The following KDM5A variants were observed in gnomAD, a reference collection of about 807,000 sequenced individuals.
The protein encoded by KDM5A is lysine-specific demethylase 5A.
KDM5A carries 42 observed loss-of-function variants against 193.5 expected under a neutral mutation model. That is an observed-to-expected ratio of 0.22 (90% confidence interval 0.17 to 0.28). The LOEUF is 0.28. Ranked by LOEUF, KDM5A falls within the 10% of genes least tolerant of loss-of-function variation. The pLI is 1.00. For missense variants in KDM5A, 1,692 were observed against 2,055.1 expected, an observed-to-expected ratio of 0.82 and a Z score of 3.42; for synonymous variants, 796 against 718.1, an observed-to-expected ratio of 1.11 and a Z score of -1.73.
chr12:374,407 T>C (rs866059589), intron 3 of KDM5A, among the ~76,000 whole-genome samples: 42 of 152,194 alleles, frequency 2.8e-4, no homozygotes, highest in Non-Finnish European at 8.8e-5. Flanking sequence ...CCCTGCCTTT[T>C]TTGTTTTCCA....
intron 10 of KDM5A, among the ~76,000 whole-genome samples, chr12:345,558 A>G (rs1316025340): frequency 6.6e-6 from 1 of 152,190 alleles, no homozygotes; most frequent in East Asian, 1.9e-4. Context: ...AAATCATAAC[A>G]AACTGTCTCT....
chr12:280,284 C>T lies in KDM5A; in HGVS notation c.*5172G>A, dbSNP rs758628926. On this transcript the variant is annotated 3_prime_UTR_variant, in exon 28 of 28. Transcript: ENST00000399788. ...TTTAAATGAAAATATTCTGGATCTT[C>T]CATTTATTGGTATCAACCACAATAG... 90 of 232,740 alleles carry T rather than the reference C, an allele frequency of 3.9e-4. No individual in the cohort carries two copies. The highest frequency in any genetic ancestry group is 6.5e-4 in the Non-Finnish European group (77 of 117,878). The allele number at this position is 232,740 out of a possible 1,614,324, so 14.4% of individuals were successfully genotyped here.
At chr12:350,873 G>T in intron 9 of KDM5A, 94 bp from the exon 10 acceptor site, 1 of 1,124,430 alleles carries the variant, frequency 8.9e-7, no homozygotes, top group Non-Finnish European at 1.3e-6. Flanking sequence ...ACAAACCCAT[G>T]ATGAGATTAA....
chr12:294,304 G>C (rs1470639881), intron 26 of KDM5A, among the ~76,000 whole-genome samples: 1 of 152,024 alleles, frequency 6.6e-6, no homozygotes, highest in Non-Finnish European at 1.5e-5. Flanking sequence ...ACAGGAGGAG[G>C]AATAAGAGAA....
chr12:337,789 C>G (rs1043213103), intron 10 of KDM5A, among the ~76,000 whole-genome samples: 2 of 151,846 alleles, frequency 1.3e-5, no homozygotes, highest in African/African-American at 4.8e-5. Context: ...ATTACAGGCA[C>G]CTGCCACCAT....
chr12:375,806 C>A (rs1296984898), intron 3 of KDM5A, among the ~76,000 whole-genome samples: 1 of 152,230 alleles, frequency 6.6e-6, no homozygotes, highest in Non-Finnish European at 1.5e-5. Flanking sequence ...ACAGTCAGGA[C>A]CCTCAGCTGC....
chr12:303,694 T>C (rs753730356), intron 24 of KDM5A, among the ~76,000 whole-genome samples: 1 of 152,212 alleles, frequency 6.6e-6, no homozygotes, highest in African/African-American at 2.4e-5. Flanking sequence ...TTCTATAGTC[T>C]ACAACCTATA....
intron 3 of KDM5A, among the ~76,000 whole-genome samples, chr12:381,296 G>C (rs1430237835): frequency 6.6e-6 from 1 of 151,498 alleles, no homozygotes; most frequent in Non-Finnish European, 1.5e-5. Flanking sequence ...GCCCGGCTGA[G>C]ACAGGTTTTC....
At chr12:324,332 G>A (rs1266004165) in intron 14 of KDM5A, among the ~76,000 whole-genome samples, 1 of 152,088 alleles carries the variant, frequency 6.6e-6, no homozygotes, top group Non-Finnish European at 1.5e-5. Flanking sequence ...CAAAAGTCAA[G>A]ACAGTTTTTT....
Position 282,311 on chromosome 12 carries a change from T to C in KDM5A, c.*3145A>G, listed in dbSNP as rs1001598262. 1 of 233,396 alleles carries C rather than the reference T, an allele frequency of 4.3e-6. No individual in the cohort carries two copies. The highest frequency in any genetic ancestry group is 8.5e-6 in the Non-Finnish European group (1 of 118,194). The allele number at this position is 233,396 out of a possible 1,614,324, so 14.5% of individuals were successfully genotyped here. A position where few individuals can be genotyped will look rare whatever the true frequency, so the allele number is the denominator to read the frequency against. ...CACCTGGCTGCCATGTTTTTTATTA[T>C]TAAAGTACATTATGGGTAATCACAG... On this transcript the variant is annotated 3_prime_UTR_variant, in exon 28 of 28. Transcript: ENST00000399788.
At chr12:375,582 G>C (rs1274565949) in intron 3 of KDM5A, among the ~76,000 whole-genome samples, 2 of 152,228 alleles carry the variant, frequency 1.3e-5, no homozygotes, top group Non-Finnish European at 2.9e-5. Context: ...ACTCATCAAA[G>C]TCATTCTCTG....
chr12:363,430 G>A (rs1280989652), intron 4 of KDM5A, among the ~76,000 whole-genome samples: 1 of 152,116 alleles, frequency 6.6e-6, no homozygotes, highest in Non-Finnish European at 1.5e-5. Flanking sequence ...ATATAAATCA[G>A]TGCAACAAAA....
chr12:325,014 C>G lies in KDM5A; in HGVS notation c.1969-1233G>C, dbSNP rs1002961486. Reference sequence around the variant, plus strand: ...CCCAATTCTGCAATAAGAGCAAACTCTCTTCATGTAAACAAGGTGGGAACC... The same window carrying G: ...CCCAATTCTGCAATAAGAGCAAACTGTCTTCATGTAAACAAGGTGGGAACC... On this transcript the variant is annotated intron_variant, in intron 14 of 27. Transcript: ENST00000399788. 3.3e-5 allele frequency among the ~76,000 whole-genome samples: 5 copies of G among 152,284 alleles called. No individual in the cohort carries two copies. In the East Asian group the frequency reaches 9.6e-4, roughly 29 times the overall value.
intron 27 of KDM5A, among the ~76,000 whole-genome samples, chr12:290,109 C>A (rs1943275191): frequency 6.6e-6 from 1 of 152,040 alleles, no homozygotes; most frequent in Non-Finnish European, 1.5e-5. Context: ...GGATGGGCCA[C>A]TGCAGCTGGC....
chr12:322,561 A>C lies in KDM5A; in HGVS notation c.2282T>G (p.Ile761Ser). ...SANFNHKKDL[I>S]ELRVMLEDAE... Reference sequence around the variant, plus strand: ...ATCTTCCAGCATTACTCGCAATTCAATCAAATCTGTAAAAATTTAAATAAA... The same window carrying C: ...ATCTTCCAGCATTACTCGCAATTCACTCAAATCTGTAAAAATTTAAATAAA... The change falls in exon 17 of 28, where the codon ATT (isoleucine) becomes AGT (serine). Residue 761 changes from isoleucine (I) to serine (S), a missense_variant. Around this residue, in one of 11 missense-constraint regions of KDM5A, gnomAD observed 965 missense variants for 1,061.0 expected, o/e 0.91. Coordinates refer to ENST00000399788, the MANE Select transcript of KDM5A (RefSeq NM_001042603.3). 1.2e-6 allele frequency: 2 copies of C among 1,612,022 alleles called. No individual in the cohort carries two copies. The highest frequency in any genetic ancestry group is 8.5e-7 in the Non-Finnish European group (1 of 1,179,052).
At chr12:293,937 TA>T (rs1424455716) in intron 26 of KDM5A, among the ~76,000 whole-genome samples, 1 of 150,628 alleles carries the variant, frequency 6.6e-6, no homozygotes, top group African/African-American at 2.5e-5. Context: ...AAAAAGGGCA[TA>T]TAAAAAAAAA....
chr12:352,019 A>G (rs1200415852), intron 9 of KDM5A, among the ~76,000 whole-genome samples, 186 bp downstream of exon 9: 1 of 141,564 alleles, frequency 7.1e-6, no homozygotes, highest in East Asian at 2.2e-4. Flanking sequence ...CAGGAGAATT[A>G]CTTGAACCTG....
At chr12:321,470 T>G (rs1591912110) in intron 17 of KDM5A, among the ~76,000 whole-genome samples, 1 of 152,216 alleles carries the variant, frequency 6.6e-6, no homozygotes, top group Non-Finnish European at 1.5e-5. Context: ...CTGAAAGTGC[T>G]TCAAAATTTT....
chr12:320,915 A>T, intron 18 of KDM5A, 80 bp downstream of exon 18: 2 of 992,024 alleles, frequency 2.0e-6, no homozygotes, highest in Non-Finnish European at 3.3e-6. Context: ...AAACTAGTTT[A>T]GATATACCAT....
Sources: allele counts gnomAD v4.1 joint callset (sites outside exome capture counted in the v4.1 genomes callset), GRCh38; gene constraint gnomAD v4.1.1; regional missense constraint gnomAD v4.1.1; transcripts MANE v1.5; gene names NCBI Gene and HGNC (gene_info 2026-07-23, HGNC 2026-07-21).